The following CNTNAP2 variants were observed in gnomAD, a reference collection of about 807,000 sequenced individuals.
The protein encoded by CNTNAP2 is contactin-associated protein-like 2.
CNTNAP2 carries 98 observed loss-of-function variants against 155.2 expected under a neutral mutation model. The observed-to-expected ratio is 0.63, with a 90% CI of 0.54 to 0.75. The LOEUF (loss-of-function observed/expected upper bound fraction) is 0.75, where lower values mean the gene tolerates loss of function less well. CNTNAP2 is among the 30% of genes least tolerant of loss of function. The pLI, the probability that CNTNAP2 is intolerant of heterozygous loss-of-function variation, is 0.00. For missense variants in CNTNAP2, 1,727 were observed against 1,688.1 expected (o/e 1.02, Z -0.40); for synonymous variants, 651 against 631.2 (o/e 1.03, Z -0.47).
intron 1 of CNTNAP2, among the ~76,000 whole-genome samples, chr7:146,482,773 A>G (rs1796983156): frequency 1.3e-5 from 2 of 151,942 alleles, no homozygotes; most frequent in African/African-American, 4.8e-5. Flanking sequence ...TAAACATGAA[A>G]TATTTTCTCA....
At chr7:146,352,904 G>C (rs979652022) in intron 1 of CNTNAP2, among the ~76,000 whole-genome samples, 6 of 150,430 alleles carry the variant, frequency 4.0e-5, no homozygotes, top group African/African-American at 7.4e-5. Flanking sequence ...ACAGGCACCC[G>C]CCACCACGCC....
intron 10 of CNTNAP2, among the ~76,000 whole-genome samples, chr7:147,415,691 G>T (rs987114023): frequency 6.6e-6 from 1 of 152,124 alleles, no homozygotes; most frequent in African/African-American, 2.4e-5. Flanking sequence ...AATACACCAA[G>T]TAAGAACAAC....
Position 146,899,141 on chromosome 7 carries a change from G to A in CNTNAP2, c.402+59237G>A, listed in dbSNP as rs369485011. Among the ~76,000 whole-genome samples, 4 of 152,140 alleles carry A rather than the reference G, an allele frequency of 2.6e-5. No individual in the cohort carries two copies. In the South Asian group the frequency reaches 6.2e-4, roughly 24 times the overall value. ...TGTGGATTACCCTCTTCCAGAGAAT[G>A]TTGGTATTCTCATAGATCCACTATC... On this transcript the variant is annotated intron_variant, in intron 3 of 23. Transcript: ENST00000361727.
chr7:147,342,301 C>T (rs1039122868), intron 9 of CNTNAP2, among the ~76,000 whole-genome samples: 1 of 151,836 alleles, frequency 6.6e-6, no homozygotes, highest in Non-Finnish European at 1.5e-5. Flanking sequence ...TCTAATGTAT[C>T]TAATTTAAAG....
rs79029238 is a variant in CNTNAP2 at position 148,334,519 on chromosome 7, G to A, written c.3476-49130G>A. Among the ~76,000 whole-genome samples the A allele has an allele frequency of 7.5e-3, 1,140 of 152,364 alleles. 16 individuals are homozygous for A. The highest frequency in any genetic ancestry group is 0.025 in the African/African-American group (1,032 of 41,582). On this transcript the variant is annotated intron_variant, in intron 21 of 23. Transcript: ENST00000361727. ...AGAAACACTAGAAAAGTTAGGAAAA[G>A]GGGTTTTTCCAGGTCAGAGAGAGCC...
intron 10 of CNTNAP2, among the ~76,000 whole-genome samples, chr7:147,477,039 T>C (rs1798335862): frequency 6.6e-6 from 1 of 152,108 alleles, no homozygotes; most frequent in Non-Finnish European, 1.5e-5. Context: ...TGTTACATAT[T>C]CCTGTGCATT....
intron 22 of CNTNAP2, among the ~76,000 whole-genome samples, chr7:148,385,547 C>T (rs1799172258): frequency 6.6e-6 from 1 of 152,142 alleles, no homozygotes; most frequent in Non-Finnish European, 1.5e-5. Flanking sequence ...AGGCTGTGAG[C>T]ACCTGTGGTC....
chr7:146,664,720 T>G (rs1036774307), intron 1 of CNTNAP2, among the ~76,000 whole-genome samples: 3 of 152,182 alleles, frequency 2.0e-5, no homozygotes, highest in African/African-American at 7.2e-5. Context: ...GTAGTAATAT[T>G]TCTTCCTTCA....
intron 1 of CNTNAP2, among the ~76,000 whole-genome samples, chr7:146,255,788 A>G (rs1025309074): frequency 2.0e-5 from 3 of 152,162 alleles, no homozygotes; most frequent in African/African-American, 4.8e-5. Context: ...GTAGCTGGAA[A>G]GTGTAAGGGC....
chr7:147,999,358 G>A (rs1475596487), intron 15 of CNTNAP2, among the ~76,000 whole-genome samples: 2 of 152,194 alleles, frequency 1.3e-5, no homozygotes, highest in East Asian at 3.8e-4. Context: ...TTACAGGCAT[G>A]AGCCACCATG....
At chr7:146,611,515 C>T (rs1474108037) in intron 1 of CNTNAP2, among the ~76,000 whole-genome samples, 1 of 152,088 alleles carries the variant, frequency 6.6e-6, no homozygotes, top group Non-Finnish European at 1.5e-5. Flanking sequence ...GCTGCCTTTT[C>T]ACATGTGAAA....
chr7:147,063,565 T>C (rs1426303068), intron 4 of CNTNAP2, among the ~76,000 whole-genome samples: 5 of 152,064 alleles, frequency 3.3e-5, no homozygotes, highest in Admixed American at 2.6e-4. Flanking sequence ...AAGGAGCATA[T>C]TGGGCCCAAG....
intron 15 of CNTNAP2, among the ~76,000 whole-genome samples, chr7:148,086,046 T>C (rs1431139318): frequency 1.3e-5 from 2 of 152,244 alleles, no homozygotes; most frequent in African/African-American, 4.8e-5. Context: ...TTAAATGTCT[T>C]ATTTTCTTAT....
intron 21 of CNTNAP2, among the ~76,000 whole-genome samples, chr7:148,360,728 G>A (rs1192538106): frequency 6.6e-6 from 1 of 152,046 alleles, no homozygotes; most frequent in East Asian, 1.9e-4. Context: ...TTATTAATTT[G>A]TAAAGGGCTA....
chr7:147,402,427 C>G (rs1337699212), intron 10 of CNTNAP2, among the ~76,000 whole-genome samples: 2 of 152,144 alleles, frequency 1.3e-5, no homozygotes, highest in East Asian at 3.9e-4. Flanking sequence ...ATGGGTATTG[C>G]TGGACTTAGG....
intron 21 of CNTNAP2, among the ~76,000 whole-genome samples, chr7:148,323,209 A>G (rs1180053994): frequency 1.3e-5 from 2 of 151,594 alleles, no homozygotes. Context: ...AGTGACAGTC[A>G]TAATAGTGGT....
chr7:147,177,447 C>T (rs976412429), intron 8 of CNTNAP2, among the ~76,000 whole-genome samples: 3 of 151,856 alleles, frequency 2.0e-5, no homozygotes, highest in Non-Finnish European at 4.4e-5. Context: ...TCTAAGTTTT[C>T]TGAGGCCTCC....
At chr7:148,077,982 C>A (rs1027127783) in intron 15 of CNTNAP2, among the ~76,000 whole-genome samples, 9 of 150,510 alleles carry the variant, frequency 6.0e-5, no homozygotes, top group Non-Finnish European at 1.2e-4. Flanking sequence ...TTGGATTCAA[C>A]TTTAATAGAA....
intron 13 of CNTNAP2, among the ~76,000 whole-genome samples, chr7:147,757,721 TA>T (rs1797232995): frequency 6.6e-6 from 1 of 152,174 alleles, no homozygotes; most frequent in African/African-American, 2.4e-5. Flanking sequence ...GAGCTTCAGG[TA>T]AAAATCTTAG....
Sources: allele counts gnomAD v4.1 joint callset (sites outside exome capture counted in the v4.1 genomes callset), GRCh38; gene constraint gnomAD v4.1.1; transcripts MANE v1.5; gene names NCBI Gene and HGNC (gene_info 2026-07-23, HGNC 2026-07-21).